The following ZFAT variants were observed in gnomAD, a reference collection of about 807,000 sequenced individuals.
ZFAT encodes the protein zinc finger protein ZFAT.
In ZFAT, 64 loss-of-function variants were observed where a neutral mutation model predicts 117.7. That is an observed-to-expected ratio of 0.54 (90% CI 0.44 to 0.67). The LOEUF (loss-of-function observed/expected upper bound fraction) is 0.67. Among genes scored for constraint, ZFAT ranks in the 30% least tolerant of loss-of-function variants. The pLI, the probability that ZFAT is intolerant of heterozygous loss-of-function variation, is 0.00. For missense variants in ZFAT, 1,433 were observed against 1,584.5 expected, an observed-to-expected ratio of 0.90 and a Z score of 1.62; for synonymous variants, 679 against 615.0, an observed-to-expected ratio of 1.10 and a Z score of -1.54.
chr8:134,548,270 C>G (rs1389808808), intron 11 of ZFAT, among the ~76,000 whole-genome samples: 1 of 152,158 alleles, frequency 6.6e-6, no homozygotes, highest in Admixed American at 6.5e-5. Context: ...ATATATAACC[C>G]ATTGATGCTG....
intron 1 of ZFAT, among the ~76,000 whole-genome samples, chr8:134,676,255 CAAAAAAAAAAAA>C (rs146638821): frequency 1.2e-5 from 1 of 80,588 alleles, no homozygotes; most frequent in African/African-American, 5.0e-5. Flanking sequence ...AAATGGAAAG[CAAAAAAAAAAAA>C]AAAAAAAAAA....
chr8:134,796,341 C>G, the ZFAT span: 1 of 152,144 alleles, frequency 6.6e-6, no homozygotes, highest in Non-Finnish European at 1.5e-5. Context: ...CTTGCGGGAT[C>G]TGACACTATC....
chr8:134,792,591 C>T, the ZFAT span: 13 of 152,092 alleles, frequency 8.5e-5, no homozygotes, highest in East Asian at 9.6e-4. Flanking sequence ...CAAATTTAAA[C>T]GATACAGTAT....
At chr8:134,684,855 G>T (rs966419104) in intron 1 of ZFAT, among the ~76,000 whole-genome samples, 4 of 152,142 alleles carry the variant, frequency 2.6e-5, no homozygotes, top group Admixed American at 6.5e-5. Flanking sequence ...TGTGGGGGCT[G>T]GGTGCGAGGA....
chr8:134,776,303 C>G, the ZFAT span, among the ~76,000 whole-genome samples: 1 of 152,048 alleles, frequency 6.6e-6, no homozygotes, highest in African/African-American at 2.4e-5. Context: ...ACCCCTCCAC[C>G]CTAAGCTTTT....
At chr8:134,694,763 A>C (rs1294660621) in intron 1 of ZFAT, among the ~76,000 whole-genome samples, 1 of 152,108 alleles carries the variant, frequency 6.6e-6, no homozygotes, top group East Asian at 1.9e-4. Context: ...GGAATCCTCA[A>C]ATCAAGTTGG....
At chr8:134,590,589 A>T (rs1826399689) in intron 7 of ZFAT, among the ~76,000 whole-genome samples, 1 of 151,600 alleles carries the variant, frequency 6.6e-6, no homozygotes, top group African/African-American at 2.4e-5. Context: ...CACCATCATC[A>T]TCACCACCAC....
At chr8:134,711,940 G>A (rs1184227111) in intron 1 of ZFAT, among the ~76,000 whole-genome samples, 1 of 152,218 alleles carries the variant, frequency 6.6e-6, no homozygotes, top group Non-Finnish European at 1.5e-5. Flanking sequence ...AGGCTCGGAA[G>A]ATAAAGCTGG....
At chr8:134,732,108 G>C in the ZFAT span, among the ~76,000 whole-genome samples, 1 of 152,150 alleles carries the variant, frequency 6.6e-6, no homozygotes, top group Admixed American at 6.6e-5. Flanking sequence ...CATGAGCATT[G>C]CATGTGTATA....
At chr8:134,693,890 T>A (rs111449546) in intron 1 of ZFAT, among the ~76,000 whole-genome samples, 275 of 152,320 alleles carry the variant, frequency 1.8e-3, no homozygotes, top group South Asian at 0.015. Flanking sequence ...ATATGTAGCA[T>A]CACCAGCAAT....
intron 11 of ZFAT, among the ~76,000 whole-genome samples, chr8:134,546,391 T>G (rs1380288603): frequency 6.6e-6 from 1 of 152,180 alleles, no homozygotes; most frequent in African/African-American, 2.4e-5. Flanking sequence ...ATGAAGTTTT[T>G]TTCATTAATG....
At chr8:134,595,592 C>T (rs1826866581) in intron 7 of ZFAT, among the ~76,000 whole-genome samples, 1 of 152,132 alleles carries the variant, frequency 6.6e-6, no homozygotes, top group African/African-American at 2.4e-5. Context: ...CTCAAGTGCC[C>T]CCTTTATAAA....
At chr8:134,829,858 T>C in the ZFAT span, among the ~76,000 whole-genome samples, 34,220 of 152,078 alleles carry the variant, frequency 0.23, 4,065 homozygotes, top group African/African-American at 0.27. Context: ...ATACAAGAAA[T>C]ACTAGAAAAA....
the ZFAT span, chr8:134,765,839 C>A: frequency 1.3e-5 from 2 of 152,150 alleles, no homozygotes; most frequent in Non-Finnish European, 2.9e-5. Flanking sequence ...AGTCCTGAAC[C>A]ACAGGTGCTG....
chr8:134,698,896 A>G (rs1444520686), intron 1 of ZFAT, among the ~76,000 whole-genome samples: 1 of 152,230 alleles, frequency 6.6e-6, no homozygotes, highest in East Asian at 1.9e-4. Context: ...TAGTCTTCCC[A>G]TTAGAGAGCA....
At chr8:134,569,797 G>A (rs917909076) in intron 10 of ZFAT, among the ~76,000 whole-genome samples, 9 of 152,126 alleles carry the variant, frequency 5.9e-5, no homozygotes, top group South Asian at 2.1e-4. Flanking sequence ...GACACTCCCT[G>A]AGACAATCCA....
At chr8:134,739,164 T>A in the ZFAT span, among the ~76,000 whole-genome samples, 4 of 152,204 alleles carry the variant, frequency 2.6e-5, no homozygotes, top group African/African-American at 9.7e-5. Context: ...CCAGCTGGGT[T>A]TGCAACTTGT....
At chr8:134,732,347 A>C in the ZFAT span, among the ~76,000 whole-genome samples, 1 of 152,208 alleles carries the variant, frequency 6.6e-6, no homozygotes, top group Admixed American at 6.5e-5. Context: ...AAGGGCAGAC[A>C]AGATGCTGGA....
chr8:134,559,987 AT>A (rs1823933794), intron 11 of ZFAT, among the ~76,000 whole-genome samples: 1 of 152,140 alleles, frequency 6.6e-6, no homozygotes, highest in Non-Finnish European at 1.5e-5. Context: ...TTTTTCTTGG[AT>A]TTTGAAAGTA....
Sources: allele counts gnomAD v4.1 joint callset (sites outside exome capture counted in the v4.1 genomes callset), GRCh38; gene constraint gnomAD v4.1.1; transcripts MANE v1.5; gene names NCBI Gene and HGNC (gene_info 2026-07-23, HGNC 2026-07-21).